PHIP: variants seen among roughly 807,000 people sequenced by gnomAD.
PHIP encodes the protein PHIP subunit of CUL4-Ring ligase complex.
In PHIP, 54 loss-of-function variants were observed where a neutral mutation model predicts 236.8. The observed-to-expected ratio is 0.23, with a 90% CI of 0.18 to 0.29. The LOEUF (loss-of-function observed/expected upper bound fraction) is 0.29, where lower values mean the gene tolerates loss of function less well. PHIP is among the 10% of genes least tolerant of loss of function. The pLI, the probability that PHIP is intolerant of heterozygous loss-of-function variation, is 1.00. For missense variants in PHIP, 1,370 were observed against 2,190.8 expected, an observed-to-expected ratio of 0.63 and a Z score of 7.48; for synonymous variants, 756 against 718.9, an observed-to-expected ratio of 1.05 and a Z score of -0.83.
chr6:79,073,720 G>A (rs1288356831), intron 4 of PHIP, among the ~76,000 whole-genome samples: 3 of 152,016 alleles, frequency 2.0e-5, no homozygotes, highest in Admixed American at 1.3e-4. Context: ...CAACAATAAT[G>A]AAAACTAGTA....
At chr6:79,026,892 G>A (rs117216276) in intron 7 of PHIP, among the ~76,000 whole-genome samples, 5,583 of 151,426 alleles carry the variant, frequency 0.037, 102 homozygotes, top group Middle Eastern at 0.059. Flanking sequence ...GAATAGTATC[G>A]TTAATCCCCA....
intron 35 of PHIP, 59 bp downstream of exon 35, chr6:78,954,755 T>C: frequency 9.7e-7 from 1 of 1,028,388 alleles, no homozygotes; most frequent in East Asian, 2.8e-5. Flanking sequence ...TAGCCAACTG[T>C]CATGTAAAAG....
In PHIP at chr6:79,042,965, T is replaced by C. The variant is rs984630210; in HGVS notation, c.478A>G (p.Arg160Gly). 6 of 1,610,536 alleles carry C rather than the reference T, an allele frequency of 3.7e-6. No individual in the cohort carries two copies. In the Admixed American group the frequency reaches 8.4e-5, roughly 23 times the overall value. Reference protein sequence around the residue: ...LFSRKLNGKYRLERLVPTAVY... With the variant: ...LFSRKLNGKYGLERLVPTAVY... ...GCAGTTGGAACAAGTCGCTCAAGTCTGTATTTCCCATTCAGCTTCCTTGAA... is the reference window on the plus strand; with the variant it reads ...GCAGTTGGAACAAGTCGCTCAAGTCCGTATTTCCCATTCAGCTTCCTTGAA... The change falls in exon 7 of 40, where the codon AGA becomes GGA. Residue 160 changes from arginine (R) to glycine (G), a missense_variant. By Grantham distance (125) the Arg-to-Gly change is moderately radical. Coordinates refer to ENST00000275034, the MANE Select transcript of PHIP (RefSeq NM_017934.7).
rs1457754972 is a variant in PHIP, at chr6:78,938,005, T to C, written c.*2688A>G. 1 of 151,762 alleles carries C rather than the reference T, an allele frequency of 6.6e-6. No homozygotes were observed. The highest frequency in any genetic ancestry group is 1.5e-5 in the Non-Finnish European group (1 of 67,666). The allele number at this position is 151,762 out of a possible 1,614,324, so 9.4% of individuals were successfully genotyped here. Reference sequence around the variant, plus strand: ...TAAGACAACTGCCAATATTTCTTTCTGGCCTATTAACAGTACATACATAGT... The same window carrying C: ...TAAGACAACTGCCAATATTTCTTTCCGGCCTATTAACAGTACATACATAGT... On this transcript the variant is annotated 3_prime_UTR_variant, in exon 40 of 40. Coordinates refer to ENST00000275034, the MANE Select transcript of PHIP (RefSeq NM_017934.7).
At chr6:78,968,418 A>G (rs1767293490) in intron 27 of PHIP, among the ~76,000 whole-genome samples, 1 of 152,162 alleles carries the variant, frequency 6.6e-6, no homozygotes, top group Non-Finnish European at 1.5e-5. Flanking sequence ...TCAGCAACCA[A>G]ATGCAGATTG....
At chr6:78,998,949 G>C (rs751296419) in intron 17 of PHIP, among the ~76,000 whole-genome samples, 5 of 151,942 alleles carry the variant, frequency 3.3e-5, no homozygotes, top group Admixed American at 6.6e-5. Context: ...ATACTGATGG[G>C]GAAAGTAAAC....
chr6:78,972,566 G>A lies in PHIP; in HGVS notation c.2890-1678C>T, dbSNP rs148833536. Among the ~76,000 whole-genome samples, 6 of 152,272 alleles carry A rather than the reference G, an allele frequency of 3.9e-5. 1 individual carries two copies. The South Asian group carries it at 8.3e-4, about 21-fold the overall frequency. On this transcript the variant is annotated intron_variant, in intron 24 of 39. Transcript: ENST00000275034. The stretch of plus-strand genomic sequence containing the variant: ...GAGCTGAGAGAAGAAGGCTTCAGAC[G>A]ATCAAATTACTCTGAGCTACAGGAG...
intron 26 of PHIP, 35 bp downstream of exon 26, chr6:78,970,014 C>A: frequency 6.2e-7 from 1 of 1,608,944 alleles, no homozygotes; most frequent in Non-Finnish European, 8.5e-7. Flanking sequence ...ATCTACAATA[C>A]TAAGAAAACC....
rs1442133167 is a variant in PHIP, at chr6:78,936,583, C to T, written c.*4110G>A. On this transcript the variant is annotated 3_prime_UTR_variant, in exon 40 of 40. Transcript: ENST00000275034. ...CATGCACTAAGTATTTGGTCTGTGC[C>T]ATAAGGTTAATTTCCTGATAATTTT... is the stretch of plus-strand genomic sequence containing the variant. The T allele has an allele frequency of 6.6e-6, 1 of 151,746 alleles. No homozygotes were observed. Among genetic ancestry groups the T allele is most frequent in the African/African-American group, 2.4e-5 (1 of 41,374 alleles). The allele number at this position is 151,746 out of a possible 1,614,324, so 9.4% of individuals were successfully genotyped here.
chr6:79,072,647 C>G (rs1390108752), intron 4 of PHIP, among the ~76,000 whole-genome samples: 1 of 151,826 alleles, frequency 6.6e-6, no homozygotes, highest in African/African-American at 2.4e-5. Flanking sequence ...CTACACCTGG[C>G]TAATTTTTTT....
chr6:79,017,879 C>A (rs2127742645), intron 10 of PHIP, among the ~76,000 whole-genome samples: 1 of 152,052 alleles, frequency 6.6e-6, no homozygotes, highest in Admixed American at 6.6e-5. Context: ...GTCACCTTCA[C>A]TAGAAAATAT....
chr6:79,018,109 C>T (rs1269913952), intron 10 of PHIP, among the ~76,000 whole-genome samples: 1 of 151,904 alleles, frequency 6.6e-6, no homozygotes, highest in Non-Finnish European at 1.5e-5. Context: ...TCAAGAGTAA[C>T]ACTCTTCCAC....
chr6:78,980,291 G>A (rs1461408695), intron 23 of PHIP, among the ~76,000 whole-genome samples: 1 of 151,862 alleles, frequency 6.6e-6, no homozygotes, highest in Non-Finnish European at 1.5e-5. Flanking sequence ...ATAGACCCTA[G>A]GGAGAAACAA....
At chr6:78,998,189 A>G in intron 18 of PHIP, 65 bp downstream of exon 18, 1 of 1,298,552 alleles carries the variant, frequency 7.7e-7, no homozygotes, top group Non-Finnish European at 1.1e-6. Flanking sequence ...ACCACTTAAC[A>G]CTGTGGGAGA....
At position 78,945,400 on chromosome 6, in the gene PHIP, T is replaced by C. The variant is rs888753822; in HGVS notation, c.4728A>G (p.Lys1576=). The C allele has an allele frequency of 1.9e-6, 3 of 1,612,850 alleles. No individual in the cohort carries two copies. In the African/African-American group the frequency reaches 4.0e-5, roughly 22 times the overall value. The change falls in exon 39 of 40, where the codon AAA becomes AAG. Residue 1576 remains lysine (K), a synonymous_variant. Transcript: ENST00000275034. ...FSHGTRNNSA[K]ENMEKEKPVK... is the part of the protein sequence containing the mutation. ...CTGGCTTTTCCTTTTCCATGTTTTCTTTTGCAGAATTATTCCTAGTGCCAT... is the reference window on the plus strand; with the variant it reads ...CTGGCTTTTCCTTTTCCATGTTTTCCTTTGCAGAATTATTCCTAGTGCCAT...
At chr6:78,951,095 C>A (rs1210178640) in intron 35 of PHIP, among the ~76,000 whole-genome samples, 1 of 151,988 alleles carries the variant, frequency 6.6e-6, no homozygotes, top group African/African-American at 2.4e-5. Flanking sequence ...TTTGTTTGAT[C>A]CATAGATTAT....
chr6:78,975,199 G>T (rs1360271444), intron 24 of PHIP, among the ~76,000 whole-genome samples: 2 of 151,786 alleles, frequency 1.3e-5, no homozygotes, highest in African/African-American at 4.8e-5. Context: ...TTCATCCCTG[G>T]GATGCAAGGC....
At chr6:79,002,565 G>A (rs1157618543) in intron 16 of PHIP, among the ~76,000 whole-genome samples, 1 of 152,068 alleles carries the variant, frequency 6.6e-6, no homozygotes, top group Non-Finnish European at 1.5e-5. Flanking sequence ...ACATTGTCTA[G>A]ATATGCTACC....
chr6:78,950,013 T>C (rs1774056847), intron 35 of PHIP, among the ~76,000 whole-genome samples: 1 of 152,030 alleles, frequency 6.6e-6, no homozygotes, highest in South Asian at 2.1e-4. Flanking sequence ...AATAAACTTT[T>C]TCCTTCCAAG....
Sources: gnomAD v4.1 joint callset for allele counts (sites outside exome capture counted in the v4.1 genomes callset) on GRCh38, gnomAD v4.1.1 for gene constraint, MANE v1.5 for transcripts, NCBI Gene and HGNC (gene_info 2026-07-23, HGNC 2026-07-21) for gene names.